ACAD9: variants seen among roughly 807,000 people sequenced by gnomAD.
ACAD9 encodes acyl-CoA dehydrogenase family member 9.
A neutral mutation model predicts 70.2 loss-of-function variants in ACAD9; 53 were observed. The ratio of observed to expected loss-of-function variants is 0.75; its 90% CI spans 0.61 to 0.95. The LOEUF (loss-of-function observed/expected upper bound fraction) is 0.95. ACAD9 is among the 40% of genes least tolerant of loss of function. The pLI is 0.00. For synonymous variants in ACAD9, 313 were observed against 312.1 expected (o/e 1.00, Z -0.03); for missense variants, 777 against 802.8 (o/e 0.97, Z 0.39).
rs191563945 is a variant in ACAD9, at chr3:128,910,729, C to T, written c.1693-12C>T. ...AATTTGGGCATATCTTTTCTGTCCT[C>T]GGTTCTGGCAGGTTCTCTTGGCCAA... On this transcript the variant is annotated splice_polypyrimidine_tract_variant and intron_variant, in intron 16 of 17. Coordinates refer to ENST00000308982, the MANE Select transcript of ACAD9 (RefSeq NM_014049.5). The T allele has an allele frequency of 3.5e-5, 57 of 1,614,136 alleles. No homozygotes were observed. The highest frequency in any genetic ancestry group is 1.9e-4 in the South Asian group (17 of 91,082).
At chr3:128,893,130 G>C (rs903958377) in intron 2 of ACAD9, among the ~76,000 whole-genome samples, 2 of 151,730 alleles carry the variant, frequency 1.3e-5, no homozygotes, top group Admixed American at 6.6e-5. Flanking sequence ...AAGATTGCTT[G>C]CGTTCAGGAG....
chr3:128,903,228 C>A (rs1935792857), intron 9 of ACAD9, among the ~76,000 whole-genome samples: 1 of 152,212 alleles, frequency 6.6e-6, no homozygotes, highest in Non-Finnish European at 1.5e-5. Context: ...GGGCAGCACA[C>A]CCCTAAGTGC....
At position 128,883,337 on chromosome 3, in the gene ACAD9, C is replaced by T. The variant is rs149013199; in HGVS notation, c.151-1316C>T. On this transcript the variant is annotated intron_variant, in intron 1 of 17. Transcript: ENST00000308982. ...GGATTACAGGCAGTAGCCACTGCAA[C>T]CAGCTAAGCTTGTTTTTTTCTTTTT... Among the ~76,000 whole-genome samples the T allele has an allele frequency of 3.9e-4, 59 of 152,132 alleles. 1 individual carries two copies. The highest frequency in any genetic ancestry group is 1.4e-3 in the African/African-American group (57 of 41,532).
At chr3:128,907,649 C>T (rs1935933330) in intron 12 of ACAD9, among the ~76,000 whole-genome samples, 1 of 152,238 alleles carries the variant, frequency 6.6e-6, no homozygotes, top group Non-Finnish European at 1.5e-5. Context: ...ACCTGACACA[C>T]AGTACCATTG....
At chr3:128,899,482 C>G (rs779106705) in intron 7 of ACAD9, 21 bp downstream of exon 7, 1 of 1,611,136 alleles carries the variant, frequency 6.2e-7, no homozygotes, top group Non-Finnish European at 8.5e-7. Flanking sequence ...CCTGTGCGCG[C>G]GTGCGCGTGT....
At chr3:128,880,469 A>T (rs1935055930) in intron 1 of ACAD9, among the ~76,000 whole-genome samples, 1 of 151,712 alleles carries the variant, frequency 6.6e-6, no homozygotes, top group Non-Finnish European at 1.5e-5. Context: ...TGGAGTGCTC[A>T]CTGCAACCTC....
Position 128,912,876 on chromosome 3 carries a change from G to A in ACAD9, c.*269G>A, listed in dbSNP as rs750046428. On this transcript the variant is annotated 3_prime_UTR_variant, in exon 18 of 18. Transcript: ENST00000308982. ...GACCCCTGGAACTGGCGGGTATTCTGGTCATTGAGGAGACACCATAGTGGA... is the reference window on the plus strand; with the variant it reads ...GACCCCTGGAACTGGCGGGTATTCTAGTCATTGAGGAGACACCATAGTGGA... The A allele has an allele frequency of 1.6e-6, 1 of 614,080 alleles. No individual in the cohort carries two copies. The highest frequency in any genetic ancestry group is 1.4e-5 in the South Asian group (1 of 72,158). 38.0% of individuals were successfully genotyped at this position (614,080 alleles called of 1,614,324 possible). A position where few individuals can be genotyped will look rare whatever the true frequency, so the allele number is the denominator to read the frequency against.
intron 13 of ACAD9, 86 bp from the exon 14 acceptor site, chr3:128,908,887 G>A (rs536218453): frequency 6.2e-7 from 1 of 1,607,444 alleles, no homozygotes; most frequent in South Asian, 1.1e-5. Flanking sequence ...GGGGCACGGA[G>A]CTTCTGGGTG....
intron 6 of ACAD9, chr3:128,898,343 T>G (rs1042730384): frequency 2.3e-6 from 1 of 429,800 alleles, no homozygotes; most frequent in Non-Finnish European, 4.6e-6. Flanking sequence ...GAGTTTTTTT[T>G]GTTTGTTTTT....
intron 2 of ACAD9, 120 bp downstream of exon 2, chr3:128,884,866 T>G: frequency 1.2e-6 from 1 of 841,140 alleles, no homozygotes; most frequent in African/African-American, 1.7e-5. Flanking sequence ...TTTCCACTCA[T>G]AATATTTTGC....
rs1427422139 is a variant in ACAD9, at chr3:128,902,686, C to T, written c.958+58C>T. 1 of 1,574,338 alleles carries T rather than the reference C, an allele frequency of 6.4e-7. No individual in the cohort carries two copies. Among genetic ancestry groups the T allele is most frequent in the Non-Finnish European group, 8.7e-7 (1 of 1,149,034 alleles). On this transcript the variant is annotated intron_variant, in intron 9 of 17. Transcript: ENST00000308982. This position sits in a 1 kb window ranked among gnomAD's most constrained non-coding sequence, Gnocchi z 4.0. ...CCACCCCCTGCTGCCCCGGCTCCAA[C>T]CCTGGAGGCTCTGCCATTCCCCCGG... is the stretch of plus-strand genomic sequence containing the variant.
chr3:128,899,526 GT>G (rs1935676972), intron 7 of ACAD9, 65 bp downstream of exon 7: 141 of 815,210 alleles, frequency 1.7e-4, no homozygotes, highest in African/African-American at 4.2e-4. Context: ...CTTTGACGGT[GT>G]GTGTGTGTGT....
rs766325267 is a variant in ACAD9, at chr3:128,912,669, G to A, written c.*62G>A. On this transcript the variant is annotated 3_prime_UTR_variant, in exon 18 of 18. Transcript: ENST00000308982. Reference sequence around the variant, plus strand: ...ACCCATGGCCCGTTGCTGGATGACTGTTACTCTTTTTTCAGAAGGTGTTGG... The same window carrying A: ...ACCCATGGCCCGTTGCTGGATGACTATTACTCTTTTTTCAGAAGGTGTTGG... The A allele has an allele frequency of 7.2e-7, 1 of 1,386,120 alleles. No individual in the cohort carries two copies. The highest frequency in any genetic ancestry group is 1.0e-6 in the Non-Finnish European group (1 of 972,646). The allele number at this position is 1,386,120 out of a possible 1,614,324, so 85.9% of individuals were successfully genotyped here.
intron 1 of ACAD9, among the ~76,000 whole-genome samples, chr3:128,882,175 C>G (rs1384164537): frequency 6.6e-6 from 1 of 152,146 alleles, no homozygotes; most frequent in Non-Finnish European, 1.5e-5. Flanking sequence ...CTGCCACACC[C>G]AGCCAAGATT....
chr3:128,882,413 T>A (rs1935121965), intron 1 of ACAD9, among the ~76,000 whole-genome samples: 1 of 152,240 alleles, frequency 6.6e-6, no homozygotes, highest in Non-Finnish European at 1.5e-5. Context: ...CCACAGAAGA[T>A]CTGGTTTTCT....
intron 4 of ACAD9, among the ~76,000 whole-genome samples, chr3:128,896,235 C>G (rs1013958285): frequency 3.3e-5 from 5 of 152,262 alleles, no homozygotes; most frequent in African/African-American, 9.6e-5. Context: ...GTTGCACAGG[C>G]TCACGGCACT....
intron 2 of ACAD9, among the ~76,000 whole-genome samples, chr3:128,888,505 G>A (rs1402097237): frequency 1.3e-5 from 2 of 152,148 alleles, no homozygotes; most frequent in South Asian, 2.1e-4. Flanking sequence ...CTGGAACCCG[G>A]GAGGTGGAGG....
In ACAD9 at chr3:128,884,743, G is replaced by C; in HGVS notation, c.241G>C (p.Glu81Gln). The C allele has an allele frequency of 6.2e-7, 1 of 1,611,128 alleles. No individual in the cohort carries two copies. Among genetic ancestry groups the C allele is most frequent in the Non-Finnish European group, 8.5e-7 (1 of 1,177,718 alleles). The part of the protein sequence containing the change: ...LGPVEKFFTE[E>Q]VDSRKIDQEG... Reference sequence around the variant, plus strand: ...ACCCGTGGAAAAATTCTTCACTGAAGAGGGTATGTATGGTTTTCTTTACCA... The same window carrying C: ...ACCCGTGGAAAAATTCTTCACTGAACAGGGTATGTATGGTTTTCTTTACCA... The change falls in exon 2 of 18, where the codon GAG becomes CAG. Residue 81 changes from glutamate (E) to glutamine (Q), a missense_variant. By Grantham distance (29) the Glu-to-Gln change is conservative. Coordinates refer to ENST00000308982, the MANE Select transcript of ACAD9 (RefSeq NM_014049.5).
intron 12 of ACAD9, among the ~76,000 whole-genome samples, chr3:128,907,251 C>A (rs1225080341): frequency 1.3e-5 from 2 of 152,112 alleles, no homozygotes; most frequent in Admixed American, 1.3e-4. Flanking sequence ...TGCTTTTGTT[C>A]CTGGCCTACC....
Sources: allele counts gnomAD v4.1 joint callset (sites outside exome capture counted in the v4.1 genomes callset), GRCh38; gene constraint gnomAD v4.1.1; non-coding constraint Gnocchi (gnomAD v3.1); transcripts MANE v1.5; gene names NCBI Gene and HGNC (gene_info 2026-07-23, HGNC 2026-07-21).